Variants in CD2AP observed in about 807,000 individuals in gnomAD.
CD2AP encodes the protein CD2-associated protein.
Under a neutral mutation model 85.1 loss-of-function variants are expected in CD2AP, and 46 were observed. The ratio of observed to expected loss-of-function variants is 0.54; its 90% confidence interval spans 0.43 to 0.69. CD2AP has a LOEUF of 0.69. Ranked by LOEUF, CD2AP falls within the 30% of genes least tolerant of loss-of-function variation. CD2AP has a pLI of 0.00. For synonymous variants in CD2AP, 255 were observed against 252.9 expected, an observed-to-expected ratio of 1.01 and a Z score of -0.08; for missense variants, 769 against 729.5, an observed-to-expected ratio of 1.05 and a Z score of -0.62.
Position 47,533,734 on chromosome 6 carries a change from C to G in CD2AP, c.298C>G (p.Gln100Glu). ...LPAGGIQPHP[Q>E]TKNIKKKTKK... is the part of the protein sequence containing the mutation. ...AGCTGGAGGAATTCAGCCACATCCA[C>G]AAACCAAAAACATTAAGAAGAGTAT... Residue 100 changes from glutamine (Q) to glutamate (E), a missense_variant, in exon 3 of 18, where the codon CAA (glutamine) becomes GAA (glutamate). Transcript: ENST00000359314. 1 of 1,614,016 alleles carries G rather than the reference C, an allele frequency of 6.2e-7. No individual in the cohort carries two copies.
At chr6:47,480,602 A>G (rs1048484556) in intron 1 of CD2AP, among the ~76,000 whole-genome samples, 3 of 152,222 alleles carry the variant, frequency 2.0e-5, no homozygotes, top group African/African-American at 7.2e-5. Flanking sequence ...TAAATGGAAT[A>G]AAATATCAAC....
chr6:47,578,705 G>A (rs1768378271), intron 8 of CD2AP, among the ~76,000 whole-genome samples: 1 of 150,718 alleles, frequency 6.6e-6, no homozygotes, highest in African/African-American at 2.4e-5. Flanking sequence ...CCAGGCTGGA[G>A]TGCAGTGGTG....
intron 9 of CD2AP, 55 bp from the exon 10 acceptor site, chr6:47,580,809 T>C: frequency 8.2e-7 from 1 of 1,225,048 alleles, no homozygotes; most frequent in Non-Finnish European, 1.2e-6. Flanking sequence ...GAGTTTATTT[T>C]AACTATATTT....
chr6:47,619,570 C>T (rs1485643851), intron 17 of CD2AP, among the ~76,000 whole-genome samples: 2 of 152,106 alleles, frequency 1.3e-5, no homozygotes, highest in African/African-American at 2.4e-5. Context: ...TTCTTTTCCT[C>T]TGGGTAGATA....
chr6:47,556,066 T>G (rs973552767), intron 5 of CD2AP, among the ~76,000 whole-genome samples: 5 of 151,660 alleles, frequency 3.3e-5, no homozygotes, highest in Non-Finnish European at 7.4e-5. Context: ...TTTTTTTTTT[T>G]TTTTTAATTA....
intron 6 of CD2AP, 76 bp from the exon 7 acceptor site, chr6:47,576,448 G>A (rs1425622494): frequency 3.0e-6 from 3 of 1,015,026 alleles, no homozygotes; most frequent in Non-Finnish European, 4.7e-6. Context: ...CTGGGTAACT[G>A]TAAATGGAAA....
At position 47,544,622 on chromosome 6, in the gene CD2AP, G is replaced by A; in HGVS notation, c.336G>A (p.Gln112=). 5.6e-6 allele frequency: 9 copies of A among 1,607,980 alleles called. No homozygotes were observed. The highest frequency in any genetic ancestry group is 7.7e-6 in the Non-Finnish European group (9 of 1,174,738). ...TTTCTTTAGAGACCAAGAAGCGTCA[G>A]TGTAAAGTTCTTTTTGAGTACATTC... ...KNIKKKTKKR[Q]CKVLFEYIPQ... Residue 112 remains glutamine, a synonymous_variant, in exon 4 of 18, where the codon CAG becomes CAA. Coordinates refer to ENST00000359314, the MANE Select transcript of CD2AP (RefSeq NM_012120.3).
intron 17 of CD2AP, among the ~76,000 whole-genome samples, chr6:47,616,082 CTTTTTTTTTTTTT>C (rs562350159): frequency 7.8e-5 from 5 of 63,810 alleles, no homozygotes; most frequent in African/African-American, 2.2e-4. Flanking sequence ...TGCGCCTGGC[CTTTTTTTTTTTTT>C]TTTTTTTTTT....
At chr6:47,520,193 G>A (rs533619847) in intron 2 of CD2AP, among the ~76,000 whole-genome samples, 3 of 152,184 alleles carry the variant, frequency 2.0e-5, no homozygotes, top group African/African-American at 7.2e-5. Flanking sequence ...CTGAGACTGG[G>A]GATAAAGCAG....
At chr6:47,591,674 A>G (rs565678648) in intron 11 of CD2AP, among the ~76,000 whole-genome samples, 1 of 152,240 alleles carries the variant, frequency 6.6e-6, no homozygotes, top group South Asian at 2.1e-4. Flanking sequence ...GAATTAATAA[A>G]TGGGTTAACT....
At chr6:47,542,028 A>G (rs1429753179) in intron 3 of CD2AP, among the ~76,000 whole-genome samples, 1 of 152,204 alleles carries the variant, frequency 6.6e-6, no homozygotes, top group Non-Finnish European at 1.5e-5. Context: ...TATCTGCCAC[A>G]TCTGTCCCAC....
At chr6:47,562,105 G>C (rs1487611862) in intron 5 of CD2AP, among the ~76,000 whole-genome samples, 1 of 152,168 alleles carries the variant, frequency 6.6e-6, no homozygotes, top group Non-Finnish European at 1.5e-5. Flanking sequence ...TTTCTTCCAA[G>C]TTTTAGTTAT....
intron 1 of CD2AP, among the ~76,000 whole-genome samples, chr6:47,502,785 C>A (rs9369705): frequency 0.61 from 92,998 of 151,834 alleles, 29,210 homozygotes; most frequent in Middle Eastern, 0.74. Context: ...AGCTATTGCA[C>A]CTGGCCTGAA....
rs141672257 is a variant in CD2AP, at chr6:47,522,717, T to C, written c.166-10885T>C. Among the ~76,000 whole-genome samples the C allele has an allele frequency of 2.5e-4, 38 of 152,220 alleles. No homozygotes were observed. In the East Asian group the frequency reaches 5.4e-3, roughly 22 times the overall value. ...TCAACCTAAATTTCTAGCAATTTTT[T>C]TCTCTTCGTTTAGAATACAGGTTTT... On this transcript the variant is annotated intron_variant, in intron 2 of 17. Transcript: ENST00000359314.
chr6:47,584,383 AT>A (rs1768562569), intron 11 of CD2AP, among the ~76,000 whole-genome samples: 1 of 148,454 alleles, frequency 6.7e-6, no homozygotes. Context: ...TTTTGAGTTA[AT>A]TTTTGTGAAA....
chr6:47,509,231 G>A (rs1043963771), intron 2 of CD2AP, among the ~76,000 whole-genome samples: 1 of 152,060 alleles, frequency 6.6e-6, no homozygotes, highest in African/African-American at 2.4e-5. Flanking sequence ...GTCTGACAAG[G>A]GCACAGTTTG....
chr6:47,551,049 G>T (rs2114056493), intron 4 of CD2AP, among the ~76,000 whole-genome samples: 1 of 152,208 alleles, frequency 6.6e-6, no homozygotes, highest in South Asian at 2.1e-4. Context: ...GTGGGAAGGG[G>T]ATGAGGGATA....
chr6:47,575,654 T>G (rs938787551), intron 6 of CD2AP, among the ~76,000 whole-genome samples: 2 of 152,200 alleles, frequency 1.3e-5, no homozygotes, highest in Non-Finnish European at 2.9e-5. Flanking sequence ...TTTTAAATAA[T>G]GACATCTAAG....
chr6:47,502,332 C>G (rs1332646627), intron 1 of CD2AP, among the ~76,000 whole-genome samples: 2 of 151,044 alleles, frequency 1.3e-5, no homozygotes, highest in African/African-American at 4.9e-5. Context: ...TTATTTGAGT[C>G]TGTTGCCCAG....
Sources: gnomAD v4.1 joint callset for allele counts (sites outside exome capture counted in the v4.1 genomes callset) on GRCh38, gnomAD v4.1.1 for gene constraint, MANE v1.5 for transcripts, NCBI Gene and HGNC (gene_info 2026-07-23, HGNC 2026-07-21) for gene names.